The following PTPRD variants were observed in gnomAD, a reference collection of about 807,000 sequenced individuals.
PTPRD encodes receptor-type tyrosine-protein phosphatase delta.
In PTPRD, 34 loss-of-function variants were observed where a neutral mutation model predicts 214.5. The observed-to-expected ratio is 0.16, with a 90% CI of 0.12 to 0.21. The LOEUF (loss-of-function observed/expected upper bound fraction) is 0.21. Among genes scored for constraint, PTPRD ranks in the 10% least tolerant of loss-of-function variants. The probability of loss-of-function intolerance (pLI) is 1.00; values close to 1 mark genes in which losing one functional copy is unlikely to be tolerated. For missense variants in PTPRD, 2,545 were observed against 2,398.7 expected (o/e 1.06, Z -1.27); for synonymous variants, 1,128 against 845.7 (o/e 1.33, Z -5.79).
intron 9 of PTPRD, among the ~76,000 whole-genome samples, chr9:9,379,983 AT>A (rs1264719055): frequency 3.3e-5 from 5 of 151,990 alleles, no homozygotes; most frequent in African/African-American, 4.8e-5. Context: ...AGATATTTTC[AT>A]TTTTTTCTTT....
At chr9:9,297,221 C>T (rs1299764923) in intron 9 of PTPRD, among the ~76,000 whole-genome samples, 1 of 151,500 alleles carries the variant, frequency 6.6e-6, no homozygotes, top group Non-Finnish European at 1.5e-5. Context: ...TAATTGGAAG[C>T]CTAGAGTCAG....
chr9:9,920,166 A>C (rs1382685821), intron 5 of PTPRD, among the ~76,000 whole-genome samples: 3 of 152,108 alleles, frequency 2.0e-5, no homozygotes, highest in Non-Finnish European at 4.4e-5. Flanking sequence ...TGTCTCAGGC[A>C]CTTGCTCTTT....
intron 31 of PTPRD, among the ~76,000 whole-genome samples, chr9:8,467,102 AT>A (rs2096559935): frequency 6.6e-6 from 1 of 151,972 alleles, no homozygotes; most frequent in Non-Finnish European, 1.5e-5. Flanking sequence ...GGCCGACATT[AT>A]TTTTCAATAA....
intron 8 of PTPRD, among the ~76,000 whole-genome samples, chr9:9,574,480 A>G (rs1407639262): frequency 6.6e-6 from 1 of 152,052 alleles, no homozygotes; most frequent in South Asian, 2.1e-4. Context: ...AGTGGTATCA[A>G]TCTTTACCTT....
chr9:8,370,657 T>A (rs2134365690), intron 39 of PTPRD, among the ~76,000 whole-genome samples: 2 of 152,148 alleles, frequency 1.3e-5, no homozygotes, highest in South Asian at 4.1e-4. Context: ...CAATGTGGTA[T>A]GGAATCAGAA....
chr9:9,010,281 G>A (rs756409170), intron 11 of PTPRD, among the ~76,000 whole-genome samples: 4 of 152,154 alleles, frequency 2.6e-5, no homozygotes, highest in African/African-American at 9.7e-5. Context: ...ATCAGACTAT[G>A]AACAAAAGTT....
rs1466099863 is a variant in PTPRD at position 8,356,881 on chromosome 9, AT to A, written c.4662-14904del. ...CCAACTGCAACATAGGTCAAAGGAAATTACAGCACTTATAGTTTACAGTATT... is the reference window on the plus strand; with the variant it reads ...CCAACTGCAACATAGGTCAAAGGAAATACAGCACTTATAGTTTACAGTATT... On this transcript the variant is annotated intron_variant, in intron 39 of 45. Coordinates refer to ENST00000381196, the MANE Select transcript of PTPRD (RefSeq NM_002839.4). Among the ~76,000 whole-genome samples, 3 of 152,346 alleles carry A rather than the reference AT, an allele frequency of 2.0e-5. No individual in the cohort carries two copies. The East Asian group carries it at 5.8e-4, about 29-fold the overall frequency.
At chr9:10,591,076 G>C (rs1028534145) in intron 2 of PTPRD, among the ~76,000 whole-genome samples, 11 of 151,636 alleles carry the variant, frequency 7.3e-5, no homozygotes, top group African/African-American at 2.4e-4. Flanking sequence ...CTGATGGGCA[G>C]ATTCCAATAT....
At chr9:9,139,082 C>CTATGCAGGA (rs1378198358) in intron 10 of PTPRD, among the ~76,000 whole-genome samples, 1 of 152,060 alleles carries the variant, frequency 6.6e-6, no homozygotes, top group East Asian at 1.9e-4. Flanking sequence ...TTCTTACTAG[C>CTATGCAGGA]TATGCAGGAG....
intron 2 of PTPRD, among the ~76,000 whole-genome samples, chr9:10,456,134 C>T (rs900212590): frequency 4.6e-5 from 7 of 151,828 alleles, no homozygotes; most frequent in African/African-American, 7.2e-5. Context: ...CTACTTCAGA[C>T]TCTGTTCCAT....
At chr9:10,407,619 G>T (rs1265425648) in intron 2 of PTPRD, among the ~76,000 whole-genome samples, 1 of 151,498 alleles carries the variant, frequency 6.6e-6, no homozygotes, top group African/African-American at 2.4e-5. Flanking sequence ...GAAATTCCCA[G>T]TGATTTGGCC....
intron 17 of PTPRD, 39 bp from the exon 18 acceptor site, chr9:8,525,074 G>T: frequency 6.5e-7 from 1 of 1,541,998 alleles, no homozygotes. Context: ...GAGATGATCA[G>T]AGAAGGCTTT....
intron 9 of PTPRD, among the ~76,000 whole-genome samples, chr9:9,295,121 C>T (rs1157745129): frequency 6.6e-6 from 1 of 151,602 alleles, no homozygotes; most frequent in Non-Finnish European, 1.5e-5. Flanking sequence ...CAATGAAAAG[C>T]TGGGTAATCA....
At chr9:8,556,766 C>T (rs1043151903) in intron 14 of PTPRD, among the ~76,000 whole-genome samples, 2 of 151,724 alleles carry the variant, frequency 1.3e-5, no homozygotes, top group Non-Finnish European at 2.9e-5. Context: ...TGTAAGAATC[C>T]AAGCAGAAAA....
At chr9:9,214,457 A>C (rs1362751226) in intron 9 of PTPRD, among the ~76,000 whole-genome samples, 1 of 152,024 alleles carries the variant, frequency 6.6e-6, no homozygotes, top group African/African-American at 2.4e-5. Flanking sequence ...GTGACTGTTA[A>C]ACGTTAAAGC....
intron 2 of PTPRD, among the ~76,000 whole-genome samples, chr9:10,522,180 G>C (rs547962075): frequency 3.5e-4 from 53 of 152,294 alleles, no homozygotes; most frequent in Non-Finnish European, 6.9e-4. Context: ...TCCATAGGCA[G>C]TGGATATTGA....
chr9:9,281,876 G>C (rs1401327747), intron 9 of PTPRD, among the ~76,000 whole-genome samples: 1 of 151,006 alleles, frequency 6.6e-6, no homozygotes, highest in Non-Finnish European at 1.5e-5. Context: ...TAGATGAATG[G>C]ATAAACTGTA....
At chr9:10,515,285 A>AT (rs1330845145) in intron 2 of PTPRD, among the ~76,000 whole-genome samples, 1 of 151,942 alleles carries the variant, frequency 6.6e-6, no homozygotes, top group African/African-American at 2.4e-5. Context: ...AGAAATATAA[A>AT]TTTTTTATGC....
intron 2 of PTPRD, among the ~76,000 whole-genome samples, chr9:10,505,597 G>A (rs1416786461): frequency 6.6e-6 from 1 of 151,806 alleles, no homozygotes; most frequent in African/African-American, 2.4e-5. Context: ...TTTCCCTCCT[G>A]TAGTCACCAG....
Sources: gnomAD v4.1 joint callset for allele counts (sites outside exome capture counted in the v4.1 genomes callset) on GRCh38, gnomAD v4.1.1 for gene constraint, MANE v1.5 for transcripts, NCBI Gene and HGNC (gene_info 2026-07-23, HGNC 2026-07-21) for gene names.